IGF1R: variants seen among roughly 807,000 people sequenced by gnomAD.
IGF1R encodes the protein insulin like growth factor 1 receptor.
In IGF1R, 44 loss-of-function variants were observed where a neutral mutation model predicts 144.6. The ratio of observed to expected loss-of-function variants is 0.30; its 90% confidence interval spans 0.24 to 0.39. IGF1R has a LOEUF of 0.39. Ranked by LOEUF, IGF1R falls within the 10% of genes least tolerant of loss-of-function variation. The pLI is 1.00. For synonymous variants in IGF1R, 795 were observed against 722.8 expected (o/e 1.10, Z -1.60); for missense variants, 1,355 against 1,833.7 (o/e 0.74, Z 4.77).
At chr15:98,951,124 C>T (rs1205923474) in intron 20 of IGF1R, among the ~76,000 whole-genome samples, 1 of 152,202 alleles carries the variant, frequency 6.6e-6, no homozygotes, top group African/African-American at 2.4e-5. Context: ...AAAGGTGGCG[C>T]AGGAAGGATA....
At chr15:98,886,039 A>G (rs2141643146) in intron 2 of IGF1R, among the ~76,000 whole-genome samples, 1 of 152,118 alleles carries the variant, frequency 6.6e-6, no homozygotes, top group South Asian at 2.1e-4. Context: ...GCTGGTCTTG[A>G]ACTCCTGACC....
At chr15:98,937,148 A>C (rs2016185902) in intron 17 of IGF1R, among the ~76,000 whole-genome samples, 1 of 152,166 alleles carries the variant, frequency 6.6e-6, no homozygotes, top group African/African-American at 2.4e-5. Flanking sequence ...AGCCTCCCAA[A>C]GTGCTGGGAT....
intron 2 of IGF1R, among the ~76,000 whole-genome samples, chr15:98,771,279 T>C (rs1349542579): frequency 1.3e-5 from 2 of 152,160 alleles, no homozygotes; most frequent in Admixed American, 1.3e-4. Flanking sequence ...TACATTTAGT[T>C]CTTTGGAGAA....
intron 2 of IGF1R, among the ~76,000 whole-genome samples, chr15:98,764,444 G>C (rs992356177): frequency 6.6e-6 from 1 of 152,172 alleles, no homozygotes; most frequent in African/African-American, 2.4e-5. Flanking sequence ...AACACACACA[G>C]AATGTTGGTA....
chr15:98,857,987 T>C (rs2011926523), intron 2 of IGF1R, among the ~76,000 whole-genome samples: 1 of 152,202 alleles, frequency 6.6e-6, no homozygotes, highest in Non-Finnish European at 1.5e-5. Context: ...GTGTTGATTA[T>C]TAGCAAATAC....
At chr15:98,746,743 T>G (rs73475624) in intron 2 of IGF1R, among the ~76,000 whole-genome samples, 2,051 of 152,258 alleles carry the variant, frequency 0.013, 46 homozygotes, top group African/African-American at 0.047. Flanking sequence ...AGAACTTGCT[T>G]GTTTGGTTGT....
chr15:98,934,762 C>A, intron 15 of IGF1R, 62 bp from the exon 16 acceptor site: 2 of 1,439,024 alleles, frequency 1.4e-6, no homozygotes, highest in Non-Finnish European at 2.0e-6. Context: ...AGAGTTCCCC[C>A]AAAGCACGTT....
At chr15:98,672,340 G>A (rs1025042408) in intron 1 of IGF1R, among the ~76,000 whole-genome samples, 4 of 152,126 alleles carry the variant, frequency 2.6e-5, no homozygotes, top group South Asian at 2.1e-4. Context: ...CGAGGCGGGC[G>A]GATCACCTGT....
chr15:98,709,630 G>A (rs1473354249), intron 2 of IGF1R, among the ~76,000 whole-genome samples: 1 of 152,240 alleles, frequency 6.6e-6, no homozygotes, highest in Non-Finnish European at 1.5e-5. Context: ...GTGTTATCAA[G>A]GGAGGCAGCA....
At chr15:98,944,413 T>C (rs1306633291) in intron 19 of IGF1R, among the ~76,000 whole-genome samples, 1 of 152,226 alleles carries the variant, frequency 6.6e-6, no homozygotes, top group African/African-American at 2.4e-5. Flanking sequence ...AGGCGTTTGG[T>C]ATTCATTCCA....
At chr15:98,899,875 C>CT (rs940725461) in intron 5 of IGF1R, among the ~76,000 whole-genome samples, 32 of 152,146 alleles carry the variant, frequency 2.1e-4, no homozygotes, top group African/African-American at 7.2e-4. Flanking sequence ...GGTTGCGTGT[C>CT]TGACTGTGAC....
chr15:98,943,458 T>G (rs1335524802), intron 19 of IGF1R, among the ~76,000 whole-genome samples: 1 of 152,214 alleles, frequency 6.6e-6, no homozygotes, highest in African/African-American at 2.4e-5. Context: ...CAGACAGTGC[T>G]TTATTTAGAC....
chr15:98,742,009 G>A (rs2141317003), intron 2 of IGF1R, among the ~76,000 whole-genome samples: 1 of 152,350 alleles, frequency 6.6e-6, no homozygotes, highest in South Asian at 2.1e-4. Flanking sequence ...AACAGAGTGG[G>A]AGGTCAAAGT....
chr15:98,789,369 A>G (rs937883121), intron 2 of IGF1R, among the ~76,000 whole-genome samples: 1 of 152,116 alleles, frequency 6.6e-6, no homozygotes, highest in Non-Finnish European at 1.5e-5. Context: ...GAAAACCACA[A>G]CTTTAATTTA....
At chr15:98,736,309 A>G (rs1254518018) in intron 2 of IGF1R, among the ~76,000 whole-genome samples, 4 of 152,244 alleles carry the variant, frequency 2.6e-5, no homozygotes, top group African/African-American at 7.2e-5. Flanking sequence ...ATTTAACAGC[A>G]TGAATGAAAC....
chr15:98,847,972 G>A lies in IGF1R; in HGVS notation c.641-43353G>A, dbSNP rs1397510036. Among the ~76,000 whole-genome samples the A allele has an allele frequency of 4.6e-5, 7 of 152,212 alleles. No individual in the cohort carries two copies. The East Asian group carries it at 1.2e-3, about 25-fold the overall frequency. ...AGCCCCCTGTTAGATGGATATAACC[G>A]GGCCCTGGGACCATTGCTGGGCTCA... On this transcript the variant is annotated intron_variant, in intron 2 of 20. Transcript: ENST00000650285.
intron 2 of IGF1R, among the ~76,000 whole-genome samples, chr15:98,828,648 A>G (rs1166420719): frequency 1.3e-5 from 2 of 152,140 alleles, no homozygotes; most frequent in South Asian, 2.1e-4. Context: ...CTGCACCCCA[A>G]CTTCTTTGCC....
chr15:98,739,417 T>C (rs2054686482), intron 2 of IGF1R, among the ~76,000 whole-genome samples: 1 of 152,142 alleles, frequency 6.6e-6, no homozygotes, highest in South Asian at 2.1e-4. Flanking sequence ...AGAGTCAAAG[T>C]ATCACTGTGG....
At chr15:98,822,656 C>T (rs1386285627) in intron 2 of IGF1R, among the ~76,000 whole-genome samples, 1 of 152,206 alleles carries the variant, frequency 6.6e-6, no homozygotes, top group African/African-American at 2.4e-5. Flanking sequence ...GAGCTGAACA[C>T]ACAAAATTAA....
Sources: allele counts gnomAD v4.1 joint callset (sites outside exome capture counted in the v4.1 genomes callset), GRCh38; gene constraint gnomAD v4.1.1; transcripts MANE v1.5; gene names NCBI Gene and HGNC (gene_info 2026-07-23, HGNC 2026-07-21).